FHOD3: variants seen among roughly 807,000 people sequenced by gnomAD.
FHOD3 encodes formin homology 2 domain containing 3, also known as FH1/FH2 domain-containing protein 3.
A neutral mutation model predicts 173.0 loss-of-function variants in FHOD3; 90 were observed. The observed-to-expected ratio is 0.52, with a 90% CI of 0.44 to 0.62. The LOEUF is 0.62. Ranked by LOEUF, FHOD3 falls within the 20% of genes least tolerant of loss-of-function variation. The pLI is 0.00. For missense variants in FHOD3, 1,945 were observed against 2,034.7 expected (o/e 0.96, Z 0.85); for synonymous variants, 828 against 823.0 (o/e 1.01, Z -0.10).
chr18:36,402,828 C>T (rs1226323438), intron 3 of FHOD3, among the ~76,000 whole-genome samples: 1 of 152,180 alleles, frequency 6.6e-6, no homozygotes, highest in Non-Finnish European at 1.5e-5. Flanking sequence ...ACTAGAACCA[C>T]AGTGAGTTTC....
In FHOD3 at chr18:36,611,986, A is replaced by G; in HGVS notation, c.848A>G (p.Tyr283Cys). Residue 283 changes from tyrosine (Y) to cysteine (C), a missense_variant, in exon 9 of 29, where the codon TAC becomes TGC. Around this residue, in one of 5 missense-constraint regions of FHOD3, gnomAD observed 1,099 missense variants for 1,051.2 expected, o/e 1.05. Transcript: ENST00000590592. ...GGACTACCAGACCAAGACACCTTCT[A>G]CGACGTCGTGGACTGCCTGGAGGAG... ...LSGLPDQDTF[Y>C]DVVDCLEELG... The G allele has an allele frequency of 6.2e-7, 1 of 1,614,082 alleles. No homozygotes were observed. The highest frequency in any genetic ancestry group is 1.1e-5 in the South Asian group (1 of 91,074).
At chr18:36,586,169 C>T (rs1040928010) in intron 6 of FHOD3, among the ~76,000 whole-genome samples, 1 of 152,190 alleles carries the variant, frequency 6.6e-6, no homozygotes, top group African/African-American at 2.4e-5. Flanking sequence ...ATATTTGTCA[C>T]ATTTTCCCAA....
At chr18:36,547,103 T>C (rs1284083041) in intron 5 of FHOD3, among the ~76,000 whole-genome samples, 1 of 152,190 alleles carries the variant, frequency 6.6e-6, no homozygotes, top group Non-Finnish European at 1.5e-5. Context: ...CCTGCCGCCT[T>C]CAGGGGCAGG....
At chr18:36,464,858 T>G (rs1005685918) in intron 3 of FHOD3, among the ~76,000 whole-genome samples, 1 of 152,288 alleles carries the variant, frequency 6.6e-6, no homozygotes, top group Non-Finnish European at 1.5e-5. Context: ...TCTTTCTTCC[T>G]TCTTTCTTGT....
In FHOD3 at chr18:36,769,476, C is replaced by G. The variant is rs748230732; in HGVS notation, c.4786+50C>G. 1.3e-6 allele frequency: 2 copies of G among 1,582,960 alleles called. 1 individual carries two copies. Among genetic ancestry groups the G allele is most frequent in the South Asian group, 2.3e-5 (2 of 86,042 alleles). On this transcript the variant is annotated intron_variant, in intron 28 of 28. Transcript: ENST00000590592. ...GCCTTCACCCCTACAGGGATCTGCC[C>G]TCCCATTCTACGTGAACTGGGAAAG...
chr18:36,689,470 T>C (rs1355440528), intron 16 of FHOD3, among the ~76,000 whole-genome samples: 1 of 152,250 alleles, frequency 6.6e-6, no homozygotes, highest in Non-Finnish European at 1.5e-5. Context: ...ATACATGTTA[T>C]ATTATTTCAT....
At chr18:36,339,898 G>A (rs1019424942) in intron 1 of FHOD3, among the ~76,000 whole-genome samples, 3 of 152,142 alleles carry the variant, frequency 2.0e-5, no homozygotes, top group African/African-American at 7.2e-5. Flanking sequence ...TTTGGTTTAT[G>A]CTACAAATTA....
chr18:36,408,767 G>A lies in FHOD3; in HGVS notation c.337+36023G>A, dbSNP rs1290384323. On this transcript the variant is annotated intron_variant, in intron 3 of 28. Transcript: ENST00000590592. ...AAAGAGTATTCCCATCAAGGGAAGC[G>A]CAAGGATGTCTAGCGCCCAGGAGCC... Among the ~76,000 whole-genome samples, 5 of 152,124 alleles carry A rather than the reference G, an allele frequency of 3.3e-5. No individual in the cohort carries two copies. In the South Asian group the frequency reaches 6.2e-4, roughly 19 times the overall value.
chr18:36,359,706 C>T (rs1342570828), intron 2 of FHOD3, among the ~76,000 whole-genome samples: 1 of 152,182 alleles, frequency 6.6e-6, no homozygotes, highest in Non-Finnish European at 1.5e-5. Flanking sequence ...GGGACACAGG[C>T]TTTACCATTA....
chr18:36,678,755 G>A (rs1313433016), intron 14 of FHOD3, among the ~76,000 whole-genome samples: 1 of 151,770 alleles, frequency 6.6e-6, no homozygotes, highest in Non-Finnish European at 1.5e-5. Context: ...AACTATTAAC[G>A]TGGTAAATTG....
chr18:36,406,001 G>T (rs17650463), intron 3 of FHOD3, among the ~76,000 whole-genome samples: 1 of 152,096 alleles, frequency 6.6e-6, no homozygotes. Flanking sequence ...ATAATGGTGA[G>T]GTGTCAAATT....
chr18:36,522,145 C>T (rs760969208), intron 5 of FHOD3, among the ~76,000 whole-genome samples: 1 of 152,160 alleles, frequency 6.6e-6, no homozygotes, highest in Non-Finnish European at 1.5e-5. Flanking sequence ...TATTAGCCTT[C>T]GTGCATGTCA....
chr18:36,619,089 C>G (rs1286091410), intron 9 of FHOD3, among the ~76,000 whole-genome samples: 1 of 152,226 alleles, frequency 6.6e-6, no homozygotes, highest in Admixed American at 6.5e-5. Context: ...CTTCCTTTTC[C>G]TCTGCCTGCT....
At chr18:36,369,506 T>TATAGAG (rs1198304317) in intron 2 of FHOD3, among the ~76,000 whole-genome samples, 7 of 128,308 alleles carry the variant, frequency 5.5e-5, no homozygotes, top group Admixed American at 8.0e-5. Context: ...CACATATATA[T>TATAGAG]AGAGAGAGAG....
chr18:36,602,535 G>A, intron 7 of FHOD3, 139 bp from the exon 8 acceptor site: 1 of 718,494 alleles, frequency 1.4e-6, no homozygotes, highest in Non-Finnish European at 2.5e-6. Context: ...CCATCCTAAG[G>A]ATAATGTCAC....
At position 36,653,337 on chromosome 18, in the gene FHOD3, G is replaced by A. The variant is rs2149123996; in HGVS notation, c.1647-5G>A. ...ATTGTGAGCGGGCTTTTCTTCCTTT[G>A]ACAGTTCCTCTGATTCTTTCTCTTT... On this transcript the variant is annotated splice_region_variant and splice_polypyrimidine_tract_variant and intron_variant, in intron 12 of 28. Transcript: ENST00000590592. 1.3e-6 allele frequency: 2 copies of A among 1,532,936 alleles called. No individual in the cohort carries two copies. The allele number at this position is 1,532,936 out of a possible 1,614,324, so 95.0% of individuals were successfully genotyped here.
chr18:36,583,618 CACT>C (rs946492751), intron 6 of FHOD3, among the ~76,000 whole-genome samples: 3 of 152,078 alleles, frequency 2.0e-5, no homozygotes, highest in African/African-American at 7.2e-5. Flanking sequence ...GCTAGGCCTG[CACT>C]ACTGGGAAAG....
At chr18:36,699,452 G>A (rs2039461583) in intron 17 of FHOD3, among the ~76,000 whole-genome samples, 1 of 152,200 alleles carries the variant, frequency 6.6e-6, no homozygotes, top group Non-Finnish European at 1.5e-5. Context: ...TTGGGTCAGT[G>A]CTTTCAGGTG....
chr18:36,707,417 G>T (rs1299981163), intron 17 of FHOD3, among the ~76,000 whole-genome samples: 1 of 152,200 alleles, frequency 6.6e-6, no homozygotes, highest in East Asian at 1.9e-4. Flanking sequence ...TTCCTACCTG[G>T]CACTTGGGGA....
Sources: allele counts gnomAD v4.1 joint callset (sites outside exome capture counted in the v4.1 genomes callset), GRCh38; gene constraint gnomAD v4.1.1; regional missense constraint gnomAD v4.1.1; transcripts MANE v1.5; gene names NCBI Gene and HGNC (gene_info 2026-07-23, HGNC 2026-07-21).